Variants in KCNAB1 observed in about 807,000 individuals in gnomAD.
The protein encoded by KCNAB1 is voltage-gated potassium channel subunit beta-1.
A neutral mutation model predicts 64.6 loss-of-function variants in KCNAB1; 35 were observed. The ratio of observed to expected loss-of-function variants is 0.54; its 90% CI spans 0.41 to 0.72. The LOEUF is 0.72. KCNAB1 is among the 30% of genes least tolerant of loss of function. KCNAB1 has a pLI of 0.00. For missense variants in KCNAB1, 401 were observed against 512.9 expected, an observed-to-expected ratio of 0.78 and a Z score of 2.11; for synonymous variants, 177 against 183.8, an observed-to-expected ratio of 0.96 and a Z score of 0.30.
At chr3:156,477,653 C>T (rs1278271987) in intron 8 of KCNAB1, among the ~76,000 whole-genome samples, 5 of 152,236 alleles carry the variant, frequency 3.3e-5, no homozygotes, top group East Asian at 3.9e-4. Flanking sequence ...AAACTTAGTA[C>T]ACTCATTTGT....
At chr3:156,190,031 G>C (rs1163005573) in intron 1 of KCNAB1, among the ~76,000 whole-genome samples, 1 of 152,148 alleles carries the variant, frequency 6.6e-6, no homozygotes, top group South Asian at 2.1e-4. Flanking sequence ...AAGAAAATTT[G>C]TACAAGTATA....
intron 1 of KCNAB1, among the ~76,000 whole-genome samples, chr3:156,131,359 C>A (rs1167869652): frequency 2.6e-5 from 4 of 152,182 alleles, no homozygotes; most frequent in African/African-American, 9.7e-5. Flanking sequence ...AAATTAGGAG[C>A]TTTTTGTGCA....
intron 1 of KCNAB1, among the ~76,000 whole-genome samples, chr3:156,248,287 C>T (rs934489478): frequency 3.3e-5 from 5 of 152,096 alleles, no homozygotes; most frequent in African/African-American, 1.2e-4. Context: ...CCTTTTATAT[C>T]CTTTTTTTGG....
chr3:156,524,415 G>A (rs1437699161), intron 12 of KCNAB1, among the ~76,000 whole-genome samples: 1 of 152,160 alleles, frequency 6.6e-6, no homozygotes, highest in African/African-American at 2.4e-5. Flanking sequence ...TTCTAATGCT[G>A]TGGAGTCCAT....
chr3:156,148,859 C>CT (rs11360855), intron 1 of KCNAB1, among the ~76,000 whole-genome samples: 186 of 147,010 alleles, frequency 1.3e-3, no homozygotes, highest in African/African-American at 3.3e-3. Flanking sequence ...CATTTTCTTT[C>CT]TTTTTTTTTT....
intron 1 of KCNAB1, among the ~76,000 whole-genome samples, chr3:156,345,610 A>G (rs1277262976): frequency 6.6e-6 from 1 of 152,266 alleles, no homozygotes; most frequent in Non-Finnish European, 1.5e-5. Context: ...ATAGCAGAGC[A>G]TTAGCCATTC....
At chr3:156,210,102 G>A (rs897769893) in intron 1 of KCNAB1, among the ~76,000 whole-genome samples, 1 of 152,190 alleles carries the variant, frequency 6.6e-6, no homozygotes, top group Non-Finnish European at 1.5e-5. Flanking sequence ...AGACTGCACT[G>A]GGTTATTGAA....
chr3:156,268,061 A>G (rs1718822133), intron 1 of KCNAB1, among the ~76,000 whole-genome samples: 1 of 144,818 alleles, frequency 6.9e-6, no homozygotes, highest in South Asian at 2.2e-4. Flanking sequence ...TCTGGTAACC[A>G]TCATTCTATT....
At chr3:156,531,215 TTTGACAGATTCTGTCAAATC>T (rs922817129) in intron 12 of KCNAB1, among the ~76,000 whole-genome samples, 174 bp from the exon 13 acceptor site, 1 of 152,158 alleles carries the variant, frequency 6.6e-6, no homozygotes, top group African/African-American at 2.4e-5. Context: ...CCAGCTGGGC[TTTGACAGATTCTGTCAAATC>T]TTCTACACAA....
chr3:156,176,220 A>C (rs947606463), intron 1 of KCNAB1: 15 of 781,346 alleles, frequency 1.9e-5, no homozygotes, highest in Non-Finnish European at 3.3e-5. Context: ...CTGAATCTGC[A>C]TGGCCTGTCA....
At chr3:156,118,329 G>A, upstream of KCNAB1, 1 of 455,680 alleles carries the variant, frequency 2.2e-6, no homozygotes, top group Non-Finnish European at 4.4e-6. Flanking sequence ...GTCCAGCAAG[G>A]CAATGTTAAG....
intron 1 of KCNAB1, among the ~76,000 whole-genome samples, chr3:156,200,470 T>C (rs1335649892): frequency 6.6e-6 from 1 of 152,216 alleles, no homozygotes; most frequent in Non-Finnish European, 1.5e-5. Flanking sequence ...AAGTTTTATC[T>C]CTAAGCCCCT....
chr3:156,495,024 C>T (rs949923695), intron 8 of KCNAB1, among the ~76,000 whole-genome samples: 3 of 152,108 alleles, frequency 2.0e-5, no homozygotes, highest in Non-Finnish European at 4.4e-5. Context: ...CTCCCTCCTC[C>T]TACCCTCAAC....
intron 1 of KCNAB1, among the ~76,000 whole-genome samples, chr3:156,343,986 G>A (rs1179114420): frequency 1.3e-5 from 2 of 152,072 alleles, no homozygotes; most frequent in African/African-American, 4.8e-5. Context: ...TCAGTAATTT[G>A]CTAAAACCAC....
chr3:156,178,180 C>T (rs965675815), intron 1 of KCNAB1, among the ~76,000 whole-genome samples: 4 of 152,172 alleles, frequency 2.6e-5, no homozygotes, highest in Admixed American at 6.6e-5. Flanking sequence ...GCAAGCTTTC[C>T]GTGTTCCTGT....
At chr3:156,238,194 C>T (rs189076653) in intron 1 of KCNAB1, among the ~76,000 whole-genome samples, 301 of 152,048 alleles carry the variant, frequency 2.0e-3, no homozygotes, top group Admixed American at 8.2e-3. Flanking sequence ...GAGGCCGAGG[C>T]GGCGGATCAC....
intron 1 of KCNAB1, among the ~76,000 whole-genome samples, chr3:156,287,302 A>G (rs1468242148): frequency 1.4e-5 from 2 of 146,952 alleles, no homozygotes; most frequent in African/African-American, 5.0e-5. Context: ...GGCAAAGTGT[A>G]GGAGTAAGTC....
intron 1 of KCNAB1, among the ~76,000 whole-genome samples, chr3:156,256,073 A>C (rs975486879): frequency 5.3e-5 from 8 of 152,270 alleles, no homozygotes; most frequent in Admixed American, 4.6e-4. Flanking sequence ...AGAAAAAGGC[A>C]GAAAAAAAGC....
At chr3:156,191,691 A>C (rs989311820) in intron 1 of KCNAB1, among the ~76,000 whole-genome samples, 1 of 152,208 alleles carries the variant, frequency 6.6e-6, no homozygotes, top group East Asian at 1.9e-4. Flanking sequence ...TTTCAAAAAA[A>C]TGTCTTCTTT....
Sources: gnomAD v4.1 joint callset for allele counts (sites outside exome capture counted in the v4.1 genomes callset) on GRCh38, gnomAD v4.1.1 for gene constraint, MANE v1.5 for transcripts, NCBI Gene and HGNC (gene_info 2026-07-23, HGNC 2026-07-21) for gene names.